The following REG4 variants were observed in gnomAD, a reference collection of about 807,000 sequenced individuals.
REG4 encodes the protein regenerating family member 4, also known as regenerating islet-derived protein 4.
A neutral mutation model predicts 22.3 loss-of-function variants in REG4; 16 were observed. That is an observed-to-expected ratio of 0.72 (90% CI 0.49 to 1.09). The LOEUF is 1.09. Ranked by LOEUF, REG4 falls within the 50% of genes least tolerant of loss-of-function variation. The pLI, the probability that REG4 is intolerant of heterozygous loss-of-function variation, is 0.00. For synonymous variants in REG4, 71 were observed against 69.2 expected, an observed-to-expected ratio of 1.03 and a Z score of -0.13; for missense variants, 214 against 193.9, an observed-to-expected ratio of 1.10 and a Z score of -0.61.
intron 4 of REG4, 44 bp downstream of exon 4, chr1:119,799,681 C>T (rs763170486): frequency 1.3e-6 from 2 of 1,597,974 alleles, no homozygotes; most frequent in Admixed American, 1.7e-5. Context: ...AGGATGCCAG[C>T]CTGGCTTTCC....
At chr1:119,802,622 C>A in intron 3 of REG4, 1 of 1,308,708 alleles carries the variant, frequency 7.6e-7, no homozygotes, top group Non-Finnish European at 9.7e-7. Flanking sequence ...GAAAAGTTTC[C>A]ACATTTTCTT....
intron 5 of REG4, among the ~76,000 whole-genome samples, chr1:119,796,417 A>G (rs1383495807): frequency 6.6e-6 from 1 of 152,204 alleles, no homozygotes; most frequent in South Asian, 2.1e-4. Flanking sequence ...TAAAGGGGAG[A>G]GTCAGAAAGG....
chr1:119,805,009 C>T (rs2031401), intron 2 of REG4, among the ~76,000 whole-genome samples: 128,814 of 152,180 alleles, frequency 0.85, 54,669 homozygotes, highest in East Asian at 0.9. Context: ...CATCTGCCCA[C>T]GGTCACACAG....
At position 119,795,595 on chromosome 1, in the gene REG4, T is replaced by C. The variant is rs587757298; in HGVS notation, c.410-910A>G. 8.5e-5 allele frequency among the ~76,000 whole-genome samples: 13 copies of C among 152,338 alleles called. No individual in the cohort carries two copies. The South Asian group carries it at 2.7e-3, about 32-fold the overall frequency. Reference sequence around the variant, plus strand: ...TGCAGCAGAGCGAGGAGTTGTTCCCTGGCTAGGTGTCTGCTTGGGCCCTGA... The same window carrying C: ...TGCAGCAGAGCGAGGAGTTGTTCCCCGGCTAGGTGTCTGCTTGGGCCCTGA... On this transcript the variant is annotated intron_variant, in intron 5 of 5. Transcript: ENST00000256585.
At chr1:119,806,288 C>G (rs1435178329) in intron 2 of REG4, among the ~76,000 whole-genome samples, 1 of 152,132 alleles carries the variant, frequency 6.6e-6, no homozygotes. Flanking sequence ...CGATGCAGGT[C>G]CAGGCCGTTT....
intron 5 of REG4, among the ~76,000 whole-genome samples, chr1:119,795,088 C>A (rs1467038361): frequency 6.6e-6 from 1 of 152,200 alleles, no homozygotes; most frequent in Non-Finnish European, 1.5e-5. Context: ...TCACAGCCCC[C>A]ACAATTGCAT....
At position 119,794,168 on chromosome 1, in the gene REG4, CA is replaced by C. The variant is rs770323582; in HGVS notation, c.*449del. ...TTCTACTGGTAAACCTTCCCATGGC[CA>C]AAGGAAAAACAAGCAGGAGTTGAGT... On this transcript the variant is annotated 3_prime_UTR_variant, in exon 6 of 6. Coordinates refer to ENST00000256585, the MANE Select transcript of REG4 (RefSeq NM_032044.4). 1 of 534,748 alleles carries C rather than the reference CA, an allele frequency of 1.9e-6. No individual in the cohort carries two copies. The highest frequency in any genetic ancestry group is 3.8e-6 in the Non-Finnish European group (1 of 261,000). The allele number at this position is 534,748 out of a possible 1,614,324, so 33.1% of individuals were successfully genotyped here. A position where few individuals can be genotyped will look rare whatever the true frequency, so the allele number is the denominator to read the frequency against.
chr1:119,804,588 A>G (rs950538311), intron 2 of REG4, among the ~76,000 whole-genome samples: 3 of 152,270 alleles, frequency 2.0e-5, no homozygotes, highest in African/African-American at 4.8e-5. Flanking sequence ...ATGTATTTAA[A>G]TGCTTCATCT....
intron 2 of REG4, among the ~76,000 whole-genome samples, chr1:119,808,370 A>G (rs1460667657): frequency 6.6e-6 from 1 of 152,238 alleles, no homozygotes; most frequent in African/African-American, 2.4e-5. Context: ...GCATTGGGGA[A>G]TTCTAATTAT....
At chr1:119,807,729 T>C (rs1285017545) in intron 2 of REG4, among the ~76,000 whole-genome samples, 3 of 152,166 alleles carry the variant, frequency 2.0e-5, no homozygotes, top group Non-Finnish European at 2.9e-5. Flanking sequence ...CAAAGAGCCA[T>C]GAAAGACATA....
At chr1:119,804,620 A>G (rs587738615) in intron 2 of REG4, among the ~76,000 whole-genome samples, 12 of 152,364 alleles carry the variant, frequency 7.9e-5, no homozygotes, top group African/African-American at 2.6e-4. Context: ...CATAAACATG[A>G]ACATAATTTT....
Position 119,794,586 on chromosome 1 carries a change from G to C in REG4, c.*32C>G, listed in dbSNP as rs778204412. On this transcript the variant is annotated 3_prime_UTR_variant, in exon 6 of 6. Coordinates refer to ENST00000256585, the MANE Select transcript of REG4 (RefSeq NM_032044.4). ...TAGCAGAAAGGAAGAGGACGGGGCT[G>C]TGCAGGAGTTAGCAGAATCTTGATT... is the stretch of plus-strand genomic sequence containing the variant. 8 of 1,585,884 alleles carry C rather than the reference G, an allele frequency of 5.0e-6. No individual in the cohort carries two copies. The East Asian group carries it at 1.8e-4, about 35-fold the overall frequency.
chr1:119,795,668 C>G (rs1653916461), intron 5 of REG4, among the ~76,000 whole-genome samples: 1 of 152,128 alleles, frequency 6.6e-6, no homozygotes, highest in South Asian at 2.1e-4. Context: ...GGTGAGAACC[C>G]TGGGGAGAGG....
intron 2 of REG4, among the ~76,000 whole-genome samples, chr1:119,806,657 A>C (rs587715593): frequency 6.6e-6 from 1 of 152,270 alleles, no homozygotes; most frequent in Non-Finnish European, 1.5e-5. Flanking sequence ...TGTGGTGGAA[A>C]CTGGGAGAGA....
chr1:119,798,370 T>A (rs751766975), intron 5 of REG4, 127 bp downstream of exon 5: 51 of 724,198 alleles, frequency 7.0e-5, no homozygotes, highest in Non-Finnish European at 1.2e-4. Flanking sequence ...ACTGCCTTGC[T>A]GGAGAAAAGA....
chr1:119,803,449 G>C (rs1303024413), intron 2 of REG4, among the ~76,000 whole-genome samples: 1 of 152,194 alleles, frequency 6.6e-6, no homozygotes, highest in Non-Finnish European at 1.5e-5. Flanking sequence ...TCAGAGTAGG[G>C]GTTATGGAAG....
chr1:119,795,619 G>C (rs587627044), intron 5 of REG4, among the ~76,000 whole-genome samples: 31 of 152,340 alleles, frequency 2.0e-4, no homozygotes, highest in African/African-American at 7.5e-4. Context: ...CTTGGGCCCT[G>C]ACCTGCAGAT....
Position 119,794,122 on chromosome 1 carries a change from C to T in REG4, c.*496G>A, listed in dbSNP as rs972431275. The stretch of plus-strand genomic sequence containing the variant: ...AATGGTTTATTAAAGGAATGTATGG[C>T]CCACATCAACCTAGCAAGGATTCTA... On this transcript the variant is annotated 3_prime_UTR_variant, in exon 6 of 6. Transcript: ENST00000256585. 5.6e-6 allele frequency: 3 copies of T among 533,626 alleles called. No individual in the cohort carries two copies. Among genetic ancestry groups the T allele is most frequent in the Admixed American group, 1.9e-5 (1 of 51,584 alleles). 33.1% of individuals were successfully genotyped at this position (533,626 alleles called of 1,614,324 possible). A position where few individuals can be genotyped will look rare whatever the true frequency, so the allele number is the denominator to read the frequency against.
At chr1:119,803,232 A>C (rs907266011) in intron 2 of REG4, 67 bp from the exon 3 acceptor site, 3 of 1,454,282 alleles carry the variant, frequency 2.1e-6, no homozygotes, top group Non-Finnish European at 2.7e-6. Context: ...GACTTGATAC[A>C]GTTTGCAATC....
Sources: allele counts gnomAD v4.1 joint callset (sites outside exome capture counted in the v4.1 genomes callset), GRCh38; gene constraint gnomAD v4.1.1; transcripts MANE v1.5; gene names NCBI Gene and HGNC (gene_info 2026-07-23, HGNC 2026-07-21).